The following EDAR variants were observed in gnomAD, a reference collection of about 807,000 sequenced individuals.
The protein encoded by EDAR is ectodysplasin A receptor, also known as tumor necrosis factor receptor superfamily member EDAR.
Under a neutral mutation model 51.3 loss-of-function variants are expected in EDAR, and 38 were observed. The ratio of observed to expected loss-of-function variants is 0.74; its 90% CI spans 0.57 to 0.97. EDAR has a LOEUF of 0.97. EDAR is among the 50% of genes least tolerant of loss of function. The pLI is 0.00. For missense variants in EDAR, 528 were observed against 595.0 expected (o/e 0.89, Z 1.17); for synonymous variants, 227 against 242.1 (o/e 0.94, Z 0.58).
chr2:108,912,577 C>T (rs527842525), intron 6 of EDAR, 101 bp downstream of exon 6: 176 of 1,149,036 alleles, frequency 1.5e-4, no homozygotes, highest in Admixed American at 2.8e-4. Context: ...GGTGGGGAAG[C>T]GCACCATAAT....
intron 5 of EDAR, among the ~76,000 whole-genome samples, chr2:108,918,440 A>C (rs1002894791): frequency 6.6e-6 from 1 of 152,188 alleles, no homozygotes; most frequent in African/African-American, 2.4e-5. Context: ...TGGGTGGCCA[A>C]CTGCGGGTCC....
chr2:108,984,710 G>C (rs1698470620), intron 1 of EDAR, among the ~76,000 whole-genome samples: 1 of 151,920 alleles, frequency 6.6e-6, no homozygotes, highest in African/African-American at 2.4e-5. Context: ...CATGGCGCTG[G>C]ATTTATGCAT....
intron 10 of EDAR, among the ~76,000 whole-genome samples, chr2:108,906,705 G>C (rs1696812574): frequency 6.6e-6 from 1 of 152,242 alleles, no homozygotes; most frequent in Non-Finnish European, 1.5e-5. Context: ...CTGCAGCAGA[G>C]CCGTGCGGGG....
chr2:108,926,699 G>A (rs1027524123), intron 4 of EDAR, among the ~76,000 whole-genome samples: 1 of 152,186 alleles, frequency 6.6e-6, no homozygotes, highest in African/African-American at 2.4e-5. Flanking sequence ...GAAAGCCTCG[G>A]GTGCTGCTCA....
chr2:108,942,104 G>T (rs1166904762), intron 1 of EDAR, among the ~76,000 whole-genome samples: 2 of 152,230 alleles, frequency 1.3e-5, no homozygotes, highest in African/African-American at 4.8e-5. Context: ...TGTGCTGGGG[G>T]CAGAGGCCCC....
At chr2:108,974,929 G>T (rs1026082969) in intron 1 of EDAR, among the ~76,000 whole-genome samples, 1 of 152,240 alleles carries the variant, frequency 6.6e-6, no homozygotes, top group Middle Eastern at 3.4e-3. Flanking sequence ...GGTGTGCAGG[G>T]CTCTGGTGGA....
chr2:108,974,707 G>T (rs1698293183), intron 1 of EDAR, among the ~76,000 whole-genome samples: 1 of 152,046 alleles, frequency 6.6e-6, no homozygotes, highest in African/African-American at 2.4e-5. Flanking sequence ...TCCACCCTGG[G>T]TGACAGAGCA....
intron 5 of EDAR, among the ~76,000 whole-genome samples, chr2:108,919,256 A>T (rs959769464): frequency 1.3e-5 from 2 of 152,220 alleles, no homozygotes; most frequent in Non-Finnish European, 2.9e-5. Flanking sequence ...TTTCTCCAAA[A>T]GGCCAGCCTG....
Position 108,912,770 on chromosome 2 carries a change from A to C in EDAR, c.443-6T>G. ...TCCTGAAGTGGCTCCCACACCTGCA[A>C]GGAAAATAGAGTCCCTCAAATGATC... On this transcript the variant is annotated splice_polypyrimidine_tract_variant and splice_region_variant and intron_variant, in intron 5 of 11. Transcript: ENST00000258443. 1.9e-6 allele frequency: 3 copies of C among 1,582,412 alleles called. No individual in the cohort carries two copies. The highest frequency in any genetic ancestry group is 2.6e-6 in the Non-Finnish European group (3 of 1,164,036).
At chr2:108,934,126 C>T (rs1011007606) in intron 1 of EDAR, among the ~76,000 whole-genome samples, 1 of 152,140 alleles carries the variant, frequency 6.6e-6, no homozygotes, top group Non-Finnish European at 1.5e-5. Context: ...TAAAACGTTC[C>T]CAGGTAAACC....
At chr2:108,981,151 C>A (rs190442410) in intron 1 of EDAR, among the ~76,000 whole-genome samples, 492 of 152,292 alleles carry the variant, frequency 3.2e-3, no homozygotes, top group Non-Finnish European at 5.2e-3. Flanking sequence ...TGTGACCTTC[C>A]CTCGGGGAAC....
At chr2:108,950,093 C>G (rs1170406527) in intron 1 of EDAR, among the ~76,000 whole-genome samples, 1 of 152,164 alleles carries the variant, frequency 6.6e-6, no homozygotes, top group East Asian at 1.9e-4. Context: ...GAGGGGCCTG[C>G]TGGCTGAAGA....
intron 1 of EDAR, among the ~76,000 whole-genome samples, chr2:108,967,481 G>C (rs774769487): frequency 6.6e-6 from 1 of 152,066 alleles, no homozygotes; most frequent in Non-Finnish European, 1.5e-5. Flanking sequence ...GTGTTTACGG[G>C]TCTCCTACTT....
At chr2:108,982,131 G>T (rs1406779376) in intron 1 of EDAR, among the ~76,000 whole-genome samples, 1 of 152,208 alleles carries the variant, frequency 6.6e-6, no homozygotes, top group East Asian at 1.9e-4. Context: ...GAGAATAGGG[G>T]CCAGGTCTTT....
chr2:108,981,400 C>T (rs907581729), intron 1 of EDAR, among the ~76,000 whole-genome samples: 5 of 152,158 alleles, frequency 3.3e-5, no homozygotes, highest in African/African-American at 7.2e-5. Flanking sequence ...TTGTCTGGCG[C>T]GTCTTAGGTC....
At chr2:108,932,549 A>AG (rs1039016397) in intron 1 of EDAR, among the ~76,000 whole-genome samples, 3 of 151,128 alleles carry the variant, frequency 2.0e-5, no homozygotes, top group Non-Finnish European at 2.9e-5. Flanking sequence ...AAAAAAAAAA[A>AG]AAAGAAAGAA....
chr2:108,955,351 G>A (rs183607320), intron 1 of EDAR, among the ~76,000 whole-genome samples: 135 of 152,330 alleles, frequency 8.9e-4, no homozygotes, highest in Middle Eastern at 3.4e-3. Flanking sequence ...TGGAAGAATT[G>A]TAAAATAAAA....
intron 1 of EDAR, among the ~76,000 whole-genome samples, chr2:108,933,542 G>A (rs1697410203): frequency 6.6e-6 from 1 of 152,202 alleles, no homozygotes; most frequent in Admixed American, 6.5e-5. Context: ...ACTTGGTGGA[G>A]ACCTCCAGGT....
chr2:108,943,388 T>C (rs547908387), intron 1 of EDAR, among the ~76,000 whole-genome samples: 1 of 152,330 alleles, frequency 6.6e-6, no homozygotes, highest in South Asian at 2.1e-4. Flanking sequence ...CCTCATTCTT[T>C]ATATAGTTAA....
Sources: gnomAD v4.1 joint callset for allele counts (sites outside exome capture counted in the v4.1 genomes callset) on GRCh38, gnomAD v4.1.1 for gene constraint, MANE v1.5 for transcripts, NCBI Gene and HGNC (gene_info 2026-07-23, HGNC 2026-07-21) for gene names.